DYNC1H1: variants seen among roughly 807,000 people sequenced by gnomAD.
DYNC1H1 encodes the protein dynein cytoplasmic 1 heavy chain 1, also known as cytoplasmic dynein 1 heavy chain 1.
DYNC1H1 carries 51 observed loss-of-function variants against 527.1 expected under a neutral mutation model. That is an observed-to-expected ratio of 0.10 (90% CI 0.08 to 0.12). The LOEUF is 0.12. Ranked by LOEUF, DYNC1H1 falls within the 10% of genes least tolerant of loss-of-function variation. DYNC1H1 has a pLI of 1.00. For synonymous variants in DYNC1H1, 2,189 were observed against 2,278.8 expected (o/e 0.96, Z 1.12); for missense variants, 2,771 against 5,971.8 (o/e 0.46, Z 17.66).
chr14:102,044,513 T>C lies in DYNC1H1; in HGVS notation c.12902+22T>C, dbSNP rs2048691456. ...TCAGGTATGCTGCTGCCTGCTGGAA[T>C]GGAGACAGTTGTGATGTCAGGGCGT... On this transcript the variant is annotated intron_variant, in intron 71 of 77. Transcript: ENST00000360184. The surrounding 1 kb of genome is among the most constrained non-coding windows in gnomAD (Gnocchi z 7.1). 1 of 1,614,156 alleles carries C rather than the reference T, an allele frequency of 6.2e-7. No homozygotes were observed.
intron 11 of DYNC1H1, among the ~76,000 whole-genome samples, chr14:101,992,272 A>T (rs540190614): frequency 1.4e-4 from 22 of 152,340 alleles, no homozygotes; most frequent in Admixed American, 1.2e-3. Flanking sequence ...CCGTTTTCTT[A>T]ACTTTGAATA....
chr14:101,992,894 T>G (rs978242309), intron 11 of DYNC1H1, among the ~76,000 whole-genome samples: 4 of 152,102 alleles, frequency 2.6e-5, no homozygotes, highest in Non-Finnish European at 4.4e-5. Context: ...CCCCTTAAAC[T>G]CCCTCTAAAT....
At position 102,054,743 on chromosome 14, in the gene DYNC1H1, A is replaced by G. The variant is rs1252464031; in HGVS notation, c.*4180A>G. 1 of 151,794 alleles carries G rather than the reference A, an allele frequency of 6.6e-6. No individual in the cohort carries two copies. Among genetic ancestry groups the G allele is most frequent in the East Asian group, 1.9e-4 (1 of 5,184 alleles). 9.4% of individuals were successfully genotyped at this position (151,794 alleles called of 1,614,324 possible). ...ACCACCATGCCCGGCTAATTTTTCT[A>G]TTTTTAGTAGAGACAGGGTTTTGCC... On this transcript the variant is annotated 3_prime_UTR_variant, in exon 78 of 78. Coordinates refer to ENST00000360184, the MANE Select transcript of DYNC1H1 (RefSeq NM_001376.5).
chr14:102,047,641 G>GTGTGTGTGTGTGTGTGTGTGTGTA, intron 72 of DYNC1H1, 176 bp from the exon 73 acceptor site: 1 of 228,540 alleles, frequency 4.4e-6, no homozygotes, highest in African/African-American at 4.1e-5. Context: ...GTGTGTGTGT[G>GTGTGTGTGTGTGTGTGTGTGTGTA]TATATATATA....
rs1346604221 is a variant in DYNC1H1 at position 102,030,531 on chromosome 14, A to G, written c.9883+249A>G. 1.4e-4 allele frequency: 68 copies of G among 501,632 alleles called. 2 individuals carry two copies. The highest frequency in any genetic ancestry group is 9.0e-4 in the South Asian group (42 of 46,428). The allele number at this position is 501,632 out of a possible 1,614,324, so 31.1% of individuals were successfully genotyped here. On this transcript the variant is annotated intron_variant, in intron 51 of 77. Transcript: ENST00000360184. ...CCCCTCTCATAAAAGAAACTTCACA[A>G]TATAAGCTTTGTGTCAATATACGTT...
intron 43 of DYNC1H1, chr14:102,023,860 T>TA (rs2048418039): frequency 6.6e-6 from 1 of 151,994 alleles, no homozygotes; most frequent in African/African-American, 2.4e-5. Flanking sequence ...AATAAAAACT[T>TA]AAAAAGAGTC....
chr14:102,032,224 C>T (rs1567018693), intron 51 of DYNC1H1, 48 bp from the exon 52 acceptor site: 3 of 1,610,736 alleles, frequency 1.9e-6, no homozygotes, highest in Admixed American at 1.7e-5. Context: ...ATGCTTTGCT[C>T]TATCTTCTCC....
intron 9 of DYNC1H1, 137 bp downstream of exon 9, chr14:101,987,769 T>A: frequency 9.6e-7 from 1 of 1,041,470 alleles, no homozygotes; most frequent in South Asian, 1.4e-5. Flanking sequence ...AAATCTCATT[T>A]AACTAGTGAT....
chr14:102,050,751 C>A lies in DYNC1H1; in HGVS notation c.*188C>A. On this transcript the variant is annotated 3_prime_UTR_variant, in exon 78 of 78. Coordinates refer to ENST00000360184, the MANE Select transcript of DYNC1H1 (RefSeq NM_001376.5). ...GATACCAGGAGGTATTTGGGAAGGC[C>A]AATGGCGTGGCTCCTTTGAGGAAAT... 2.3e-6 allele frequency: 2 copies of A among 853,858 alleles called. No homozygotes were observed. Among genetic ancestry groups the A allele is most frequent in the Non-Finnish European group, 3.7e-6 (2 of 547,148 alleles). 52.9% of individuals were successfully genotyped at this position (853,858 alleles called of 1,614,324 possible).
intron 10 of DYNC1H1, 100 bp downstream of exon 10, chr14:101,988,952 C>A: frequency 2.7e-6 from 4 of 1,478,086 alleles, no homozygotes; most frequent in Non-Finnish European, 2.8e-6. Context: ...GGACACCTGG[C>A]AGATGCCACC....
rs2048830675 is a variant in DYNC1H1 at position 102,052,932 on chromosome 14, A to C, written c.*2369A>C. 6.6e-6 allele frequency: 1 copy of C among 152,112 alleles called. No homozygotes were observed. Among genetic ancestry groups the C allele is most frequent in the African/African-American group, 2.4e-5 (1 of 41,416 alleles). The allele number at this position is 152,112 out of a possible 1,614,324, so 9.4% of individuals were successfully genotyped here. On this transcript the variant is annotated 3_prime_UTR_variant, in exon 78 of 78. Coordinates refer to ENST00000360184, the MANE Select transcript of DYNC1H1 (RefSeq NM_001376.5). ...ACCTTACAGCTCATGTCACCCAGAG[A>C]ACAGTCGTTGCAGCTCCAGTTGGAA...
intron 1 of DYNC1H1, among the ~76,000 whole-genome samples, chr14:101,973,618 C>G (rs2047765159): frequency 6.6e-6 from 1 of 152,040 alleles, no homozygotes; most frequent in East Asian, 1.9e-4. Flanking sequence ...GCCTGAGCAA[C>G]ATAGAGAGAC....
At position 102,042,310 on chromosome 14, in the gene DYNC1H1, G is replaced by GA; in HGVS notation, c.12275+24dup. On this transcript the variant is annotated intron_variant, in intron 67 of 77. Coordinates refer to ENST00000360184, the MANE Select transcript of DYNC1H1 (RefSeq NM_001376.5). This position sits in a 1 kb window ranked among gnomAD's most constrained non-coding sequence, Gnocchi z 5.7. ...GCAGGTAGGCCTGTTCTCTTTGGCT[G>GA]AAGAAAGCCTTAGTCCCCAGGCATT... 6.2e-7 allele frequency: 1 copy of GA among 1,614,146 alleles called. No homozygotes were observed. Among genetic ancestry groups the GA allele is most frequent in the East Asian group, 2.2e-5 (1 of 44,864 alleles).
intron 74 of DYNC1H1, chr14:102,048,883 A>G (rs1454903028): frequency 6.2e-6 from 4 of 641,200 alleles, no homozygotes; most frequent in Admixed American, 3.0e-5. Flanking sequence ...GGTTCACTGA[A>G]TGTTGACCAA....
intron 1 of DYNC1H1, among the ~76,000 whole-genome samples, chr14:101,974,427 A>G (rs1382852244): frequency 6.6e-6 from 1 of 152,154 alleles, no homozygotes. Context: ...ATGACTTTTA[A>G]AAGGTGAACT....
In DYNC1H1 at chr14:102,015,314, C is replaced by T. The variant is rs587780330; in HGVS notation, c.7224C>T (p.Ala2408=). ...RKGKEDEGEE[A]ASPMLQIQRD... ...GCAAAGAGGATGAGGGGGAGGAGGC[C>T]GCTTCCCCCATGCTGCAGGTACGCC... Residue 2408 remains alanine (A), a synonymous_variant, in exon 35 of 78, where the codon GCC becomes GCT. Transcript: ENST00000360184. The surrounding 1 kb of genome is among the most constrained non-coding windows in gnomAD (Gnocchi z 6.9). 3.7e-6 allele frequency: 6 copies of T among 1,613,098 alleles called. No individual in the cohort carries two copies. Among genetic ancestry groups the T allele is most frequent in the South Asian group, 1.1e-5 (1 of 90,964 alleles).
Position 102,051,036 on chromosome 14 carries a change from G to A in DYNC1H1, c.*473G>A, listed in dbSNP as rs534258084. The A allele has an allele frequency of 2.6e-5, 6 of 233,782 alleles. No homozygotes were observed. The South Asian group carries it at 3.0e-4, about 12-fold the overall frequency. The allele number at this position is 233,782 out of a possible 1,614,324, so 14.5% of individuals were successfully genotyped here. A position where few individuals can be genotyped will look rare whatever the true frequency, so the allele number is the denominator to read the frequency against. Reference sequence around the variant, plus strand: ...GGCACCATGGTTCACACCTTTAATCGCAGCACTTTGGGAGTCTGGGAGTTA... The same window carrying A: ...GGCACCATGGTTCACACCTTTAATCACAGCACTTTGGGAGTCTGGGAGTTA... On this transcript the variant is annotated 3_prime_UTR_variant, in exon 78 of 78. Coordinates refer to ENST00000360184, the MANE Select transcript of DYNC1H1 (RefSeq NM_001376.5).
chr14:101,999,879 A>C, intron 16 of DYNC1H1, 110 bp from the exon 17 acceptor site: 2 of 1,491,330 alleles, frequency 1.3e-6, no homozygotes, highest in Non-Finnish European at 1.8e-6. Context: ...GTGTGCAAAG[A>C]ATCCGAAACG....
rs1233944707 is a variant in DYNC1H1 at position 102,044,366 on chromosome 14, G to A, written c.12777G>A (p.Glu4259=). Residue 4259 remains glutamate (E), a synonymous_variant, in exon 71 of 78, where the codon GAG becomes GAA. Transcript: ENST00000360184. This position sits in a 1 kb window ranked among gnomAD's most constrained non-coding sequence, Gnocchi z 7.1. Reference sequence around the variant, plus strand: ...TTTATGGCGGGCGCGTGGACAACGAGTTTGACCAGCGTCTGCTCAACACCT... The same window carrying A: ...TTTATGGCGGGCGCGTGGACAACGAATTTGACCAGCGTCTGCTCAACACCT... ...QSIYGGRVDN[E]FDQRLLNTFL... 6 of 1,614,044 alleles carry A rather than the reference G, an allele frequency of 3.7e-6. No homozygotes were observed. Among genetic ancestry groups the A allele is most frequent in the Non-Finnish European group, 8.5e-7 (1 of 1,180,018 alleles).
Sources: allele counts gnomAD v4.1 joint callset (sites outside exome capture counted in the v4.1 genomes callset), GRCh38; gene constraint gnomAD v4.1.1; non-coding constraint Gnocchi (gnomAD v3.1); transcripts MANE v1.5; gene names NCBI Gene and HGNC (gene_info 2026-07-23, HGNC 2026-07-21).